RNASE9: variants seen among roughly 807,000 people sequenced by gnomAD.
RNASE9 encodes the protein ribonuclease A family member 9 (inactive), also known as inactive ribonuclease-like protein 9.
For synonymous variants in RNASE9, 95 were observed against 87.6 expected (o/e 1.08, Z -0.47); for missense variants, 263 against 247.1 (o/e 1.06, Z -0.43).
At chr14:20,556,460 A>C (rs1243647) in exon 3 of RNASE9, 1 of 1,600,762 alleles carries the variant, frequency 6.2e-7, no homozygotes, top group Non-Finnish European at 8.6e-7. Flanking sequence ...TGCTAGGGCG[A>C]TATGACAAAG....
At chr14:20,558,673 A>C in intron 2 of RNASE9, 17 of 1,291,458 alleles carry the variant, frequency 1.3e-5, no homozygotes, top group Non-Finnish European at 1.8e-5. Flanking sequence ...TGGACAGTAC[A>C]CGTGTGAAAA....
At chr14:20,556,895 G>T (rs1180805605) in exon 3 of RNASE9, 2 of 1,613,866 alleles carry the variant, frequency 1.2e-6, no homozygotes, top group Non-Finnish European at 1.7e-6. Context: ...TTGGTAGGTG[G>T]TCTGGCGGGC....
chr14:20,560,026 C>G (rs1015133588), intron 1 of RNASE9, among the ~76,000 whole-genome samples: 5 of 151,956 alleles, frequency 3.3e-5, no homozygotes, highest in African/African-American at 1.2e-4. Context: ...GATCAGAACT[C>G]TATATTTAAC....
exon 3 of RNASE9, chr14:20,556,413 A>G: frequency 7.0e-7 from 1 of 1,428,222 alleles, no homozygotes; most frequent in Non-Finnish European, 9.7e-7. Flanking sequence ...GTATGGAGAG[A>G]AATATTCCTC....
intron 1 of RNASE9, among the ~76,000 whole-genome samples, chr14:20,559,969 G>C (rs1883888710): frequency 6.6e-6 from 1 of 152,030 alleles, no homozygotes; most frequent in South Asian, 2.1e-4. Context: ...GCCTTGGAGG[G>C]GTTGTCTATC....
At chr14:20,557,314 A>G (rs1883747772) in exon 3 of RNASE9, 2 of 444,902 alleles carry the variant, frequency 4.5e-6, no homozygotes, top group African/African-American at 4.0e-5. Context: ...GAAAGGAAGG[A>G]GAATGAGAAA....
At chr14:20,558,321 G>C (rs1001400827) in exon 3 of RNASE9, 7 of 619,542 alleles carry the variant, frequency 1.1e-5, no homozygotes. Context: ...TTGTATATAT[G>C]TGTGTAGAAA....
At chr14:20,556,341 G>A in exon 3 of RNASE9, 1 of 766,720 alleles carries the variant, frequency 1.3e-6, no homozygotes, top group Non-Finnish European at 2.1e-6. Context: ...AAGAAAGGAA[G>A]GTGGGTGATT....
chr14:20,558,717 T>C (rs1472821472), intron 2 of RNASE9: 1 of 821,376 alleles, frequency 1.2e-6, no homozygotes, highest in African/African-American at 1.7e-5. Context: ...CTGCCCTTTC[T>C]ACTTCCCGAG....
In RNASE9 at chr14:20,558,372, GA is replaced by G. The variant is rs556983855; in HGVS notation, c.-1304del. 4.3e-4 allele frequency: 286 copies of G among 672,638 alleles called. 1 individual carries two copies. In the African/African-American group the frequency reaches 4.4e-3, roughly 10 times the overall value. The allele number at this position is 672,638 out of a possible 1,614,324, so 41.7% of individuals were successfully genotyped here. A position where few individuals can be genotyped will look rare whatever the true frequency, so the allele number is the denominator to read the frequency against. On this transcript the variant is annotated 5_prime_UTR_variant, in exon 3 of 3. Coordinates refer to ENST00000555230, the Ensembl canonical transcript of RNASE9. ...GAATTAAAGAAAGGTGGGTGTTGGG[GA>G]ACACATCAGAAAGTAGAGACAGGAA...
chr14:20,558,407 A>T, exon 3 of RNASE9: 1 of 713,052 alleles, frequency 1.4e-6, no homozygotes. Context: ...AAAGTTGAGC[A>T]TAGGAGTGCA....
intron 2 of RNASE9, chr14:20,558,703 G>A (rs1213237357): frequency 5.3e-6 from 5 of 950,104 alleles, no homozygotes; most frequent in Non-Finnish European, 8.4e-6. Context: ...AGGCAGCTGT[G>A]GCCCTGCCCT....
At chr14:20,556,615 G>A (rs1376005815) in exon 3 of RNASE9, 12 of 1,613,380 alleles carry the variant, frequency 7.4e-6, no homozygotes, top group Admixed American at 1.7e-5. Flanking sequence ...GTATTTACAC[G>A]CTGGTATTTC....
chr14:20,559,005 C>A (rs1386660297), intron 2 of RNASE9, among the ~76,000 whole-genome samples: 1 of 152,058 alleles, frequency 6.6e-6, no homozygotes, highest in Non-Finnish European at 1.5e-5. Flanking sequence ...GGGAAAAAAT[C>A]TATTCTCTCA....
At chr14:20,556,687 C>T in exon 3 of RNASE9, 2 of 1,613,754 alleles carry the variant, frequency 1.2e-6, no homozygotes, top group Non-Finnish European at 1.7e-6. Flanking sequence ...GTTACATTTC[C>T]TAATTCCATT....
In RNASE9 at chr14:20,556,616, C is replaced by T. The variant is rs554647850; in HGVS notation, c.454G>A (p.Ala152Thr). The T allele has an allele frequency of 1.6e-5, 26 of 1,613,672 alleles. No homozygotes were observed. The Admixed American group carries it at 3.8e-4, about 24-fold the overall frequency. The stretch of plus-strand genomic sequence containing the variant: ...CTATAAAGTGATTCGTATTTACACG[C>T]TGGTATTTCAAATGCTTCTGTTAAA... The change falls in exon 3 of 3, where the codon GCG becomes ACG. Residue 152 changes from alanine (A) to threonine (T), a missense_variant. Coordinates refer to ENST00000555230, the Ensembl canonical transcript of RNASE9.
chr14:20,557,184 G>C (rs2138857198), exon 3 of RNASE9: 1 of 1,129,206 alleles, frequency 8.9e-7, no homozygotes, highest in Non-Finnish European at 1.3e-6. Flanking sequence ...TGGGCTCTAA[G>C]ATTTTGGACC....
chr14:20,558,181 T>C, exon 3 of RNASE9: 1 of 364,410 alleles, frequency 2.7e-6, no homozygotes, highest in East Asian at 5.2e-5. Flanking sequence ...TTTCTTACCT[T>C]ACCAGGCTCG....
Position 20,557,267 on chromosome 14 carries a change from A to C in RNASE9, c.-198T>G, listed in dbSNP as rs1464100853. The C allele has an allele frequency of 2.4e-5, 14 of 587,076 alleles. No homozygotes were observed. In the East Asian group the frequency reaches 3.6e-4, roughly 15 times the overall value. 36.4% of individuals were successfully genotyped at this position (587,076 alleles called of 1,614,324 possible). ...TGACAAAAATGACCTTACTAGGCCT[A>C]CAGTCAGTCTAGAGCTGTGGTAAGA... is the stretch of plus-strand genomic sequence containing the variant. On this transcript the variant is annotated 5_prime_UTR_variant, in exon 3 of 3. Coordinates refer to ENST00000555230, the Ensembl canonical transcript of RNASE9.
Sources: allele counts gnomAD v4.1 joint callset (sites outside exome capture counted in the v4.1 genomes callset), GRCh38; gene constraint gnomAD v4.1.1; transcripts MANE v1.5; gene names NCBI Gene and HGNC (gene_info 2026-07-23, HGNC 2026-07-21).